Variants in ELN observed in about 807,000 individuals in gnomAD.
ELN encodes tropoelastin.
In ELN, 65 loss-of-function variants were observed where a neutral mutation model predicts 105.8. The ratio of observed to expected loss-of-function variants is 0.61; its 90% CI spans 0.50 to 0.75. The LOEUF (loss-of-function observed/expected upper bound fraction) is 0.75. ELN is among the 30% of genes least tolerant of loss of function. The probability of loss-of-function intolerance (pLI) is 0.00; values close to 1 mark genes in which losing one functional copy is unlikely to be tolerated. For synonymous variants in ELN, 368 were observed against 389.2 expected (o/e 0.95, Z 0.64); for missense variants, 882 against 969.4 (o/e 0.91, Z 1.20).
intron 19 of ELN, among the ~76,000 whole-genome samples, chr7:74,055,073 G>A (rs1347141954): frequency 1.3e-5 from 2 of 152,260 alleles, no homozygotes; most frequent in African/African-American, 4.8e-5. Flanking sequence ...TCTGCCAATA[G>A]TCTCTCTGCA....
At chr7:74,045,374 T>A in intron 10 of ELN, 81 bp downstream of exon 10, 1 of 1,531,686 alleles carries the variant, frequency 6.5e-7, no homozygotes, top group Non-Finnish European at 9.0e-7. Flanking sequence ...TGGGGTGGGA[T>A]CCTGGACTGG....
Position 74,053,191 on chromosome 7 carries a change from G to A in ELN, c.978G>A (p.Gly326=). 1 of 1,614,186 alleles carries A rather than the reference G, an allele frequency of 6.2e-7. No individual in the cohort carries two copies. The highest frequency in any genetic ancestry group is 1.1e-5 in the South Asian group (1 of 91,076). ...YGAAAGLVPG[G]PGFGPGVVGV... is the part of the protein sequence containing the mutation. ...CTGCTGCAGGCTTAGTGCCTGGTGG[G>A]CCAGGCTTTGGCCCGGGAGTAGTTG... Residue 326 remains glycine, a synonymous_variant, in exon 18 of 33, where the codon GGG becomes GGA. Coordinates refer to ENST00000252034, the MANE Select transcript of ELN (RefSeq NM_000501.4).
intron 30 of ELN, 34 bp from the exon 31 acceptor site, chr7:74,065,910 G>T (rs781930627): frequency 1.2e-6 from 2 of 1,614,140 alleles, no homozygotes; most frequent in Non-Finnish European, 1.7e-6. Flanking sequence ...CCCGATGGGG[G>T]TGTCTTATCC....
rs573306464 is a variant in ELN, at chr7:74,069,413, G to C, written c.*713G>C. ...GCCCGGCACCACTAGCTGGCTGGGT[G>C]CACCCACCATCAACCTGGTTGACCT... On this transcript the variant is annotated 3_prime_UTR_variant, in exon 33 of 33. Transcript: ENST00000252034. 1.7e-5 allele frequency: 4 copies of C among 235,558 alleles called. No homozygotes were observed. The Admixed American group carries it at 2.2e-4, about 13-fold the overall frequency. 14.6% of individuals were successfully genotyped at this position (235,558 alleles called of 1,614,324 possible).
In ELN at chr7:74,028,215, C is replaced by T. The variant is rs782223292; in HGVS notation, c.28C>T (p.Arg10Trp). 19 of 1,611,184 alleles carry T rather than the reference C, an allele frequency of 1.2e-5. No individual in the cohort carries two copies. Among genetic ancestry groups the T allele is most frequent in the Middle Eastern group, 1.6e-4 (1 of 6,076 alleles). The change falls in exon 1 of 33, where the codon CGG (arginine) becomes TGG (tryptophan). Residue 10 changes from arginine to tryptophan, a missense_variant. Transcript: ENST00000252034. MAGLTAAAP[R>W]PGVLLLLLSI... is the part of the protein sequence containing the mutation. ...GGCGGGTCTGACGGCGGCGGCCCCG[C>T]GGCCCGGAGTCCTCCTGCTCCTGCT...
chr7:74,067,639 C>G (rs1410899745), intron 32 of ELN, among the ~76,000 whole-genome samples: 1 of 151,404 alleles, frequency 6.6e-6, no homozygotes, highest in Non-Finnish European at 1.5e-5. Flanking sequence ...TCGGGAGGCT[C>G]ACGCAGGAGA....
At chr7:74,042,528 A>T in intron 5 of ELN, 86 bp from the exon 6 acceptor site, 1 of 1,211,026 alleles carries the variant, frequency 8.3e-7, no homozygotes, top group Non-Finnish European at 1.2e-6. Context: ...GTGCTTCCTG[A>T]GTGGGGCACA....
chr7:74,051,214 G>C (rs1186427525), intron 15 of ELN, among the ~76,000 whole-genome samples: 1 of 152,206 alleles, frequency 6.6e-6, no homozygotes, highest in Non-Finnish European at 1.5e-5. Flanking sequence ...ACCAGCCCGA[G>C]AGAGCGAGAA....
rs1554683275 is a variant in ELN, at chr7:74,060,150, A to G, written c.1587A>G (p.Lys529=). 6.2e-7 allele frequency: 1 copy of G among 1,613,944 alleles called. No individual in the cohort carries two copies. Among genetic ancestry groups the G allele is most frequent in the African/African-American group, 1.3e-5 (1 of 74,996 alleles). ...IGPGGVAAAA[K]SAAKVAAKAQ... The stretch of plus-strand genomic sequence containing the variant: ...CTCTCCCTCCCTCAGCTGCAGCAAA[A>G]TCCGCTGCCAAGGTGGCTGCCAAAG... Residue 529 remains lysine (K), a synonymous_variant, in exon 24 of 33, where the codon AAA becomes AAG. Coordinates refer to ENST00000252034, the MANE Select transcript of ELN (RefSeq NM_000501.4).
chr7:74,057,521 C>G, intron 21 of ELN, 119 bp from the exon 22 acceptor site: 1 of 1,604,028 alleles, frequency 6.2e-7, no homozygotes, highest in Non-Finnish European at 8.5e-7. Flanking sequence ...ATGGAAGGGT[C>G]CCTGGAGTTG....
intron 4 of ELN, among the ~76,000 whole-genome samples, chr7:74,039,800 T>C (rs550017204): frequency 1.3e-5 from 2 of 152,338 alleles, no homozygotes; most frequent in South Asian, 4.1e-4. Context: ...GCAGGTGATA[T>C]AATGGCCATT....
At chr7:74,068,557 C>T in intron 32 of ELN, 100 bp from the exon 33 acceptor site, 1 of 1,484,708 alleles carries the variant, frequency 6.7e-7, no homozygotes, top group Non-Finnish European at 9.4e-7. Flanking sequence ...CTTCTCTTGG[C>T]TTCTTGGAGC....
At chr7:74,031,142 C>A (rs1788562929) in intron 1 of ELN, among the ~76,000 whole-genome samples, 1 of 152,226 alleles carries the variant, frequency 6.6e-6, no homozygotes, top group African/African-American at 2.4e-5. Context: ...GCTCTTTGAA[C>A]CTGGAGCCCA....
At chr7:74,053,015 C>T in intron 17 of ELN, 148 bp from the exon 18 acceptor site, 2 of 1,169,208 alleles carry the variant, frequency 1.7e-6, no homozygotes, top group Non-Finnish European at 1.2e-6. Flanking sequence ...CCACATCTCT[C>T]TGATGAGTAG....
At chr7:74,037,665 A>G (rs1294469962) in intron 3 of ELN, 42 bp from the exon 4 acceptor site, 21 of 1,603,946 alleles carry the variant, frequency 1.3e-5, no homozygotes, top group Non-Finnish European at 1.7e-5. Flanking sequence ...GTAGATGGAT[A>G]AGCTGGGCCA....
At chr7:74,045,813 C>G in intron 10 of ELN, 1 of 312,480 alleles carries the variant, frequency 3.2e-6, no homozygotes, top group South Asian at 3.3e-5. Context: ...CTTTGGGAGG[C>G]CGAGGTGGGC....
At chr7:74,029,943 T>TGAGCCC (rs1788298310) in intron 1 of ELN, among the ~76,000 whole-genome samples, 1 of 152,142 alleles carries the variant, frequency 6.6e-6, no homozygotes, top group Non-Finnish European at 1.5e-5. Context: ...GCAAGGGGGT[T>TGAGCCC]AGGAGTGAGC....
At position 74,046,682 on chromosome 7, in the gene ELN, C is replaced by T; in HGVS notation, c.572-14C>T. 1 of 1,614,170 alleles carries T rather than the reference C, an allele frequency of 6.2e-7. No homozygotes were observed. The highest frequency in any genetic ancestry group is 8.5e-7 in the Non-Finnish European group (1 of 1,180,010). ...GGGTGCTGGGACCTGAACTTGCTCT[C>T]TTTATTCCCACAGGAGTTGGACCCT... is the stretch of plus-strand genomic sequence containing the variant. On this transcript the variant is annotated splice_polypyrimidine_tract_variant and intron_variant, in intron 11 of 32. Coordinates refer to ENST00000252034, the MANE Select transcript of ELN (RefSeq NM_000501.4).
At chr7:74,057,403 T>G (rs782480027) in intron 21 of ELN, 2 of 1,509,330 alleles carry the variant, frequency 1.3e-6, no homozygotes, top group Non-Finnish European at 8.8e-7. Flanking sequence ...GCAGGAGTGC[T>G]GGGTGGGCTA....
Sources: allele counts gnomAD v4.1 joint callset (sites outside exome capture counted in the v4.1 genomes callset), GRCh38; gene constraint gnomAD v4.1.1; transcripts MANE v1.5; gene names NCBI Gene and HGNC (gene_info 2026-07-23, HGNC 2026-07-21).